The following NDUFS7 variants were observed in gnomAD, a reference collection of about 807,000 sequenced individuals.
NDUFS7 encodes NADH dehydrogenase [ubiquinone] iron-sulfur protein 7, mitochondrial.
NDUFS7 carries 11 observed loss-of-function variants against 31.1 expected under a neutral mutation model. The observed-to-expected ratio is 0.35, with a 90% CI of 0.22 to 0.59. The LOEUF is 0.59. Among genes scored for constraint, NDUFS7 ranks in the 20% least tolerant of loss-of-function variants. NDUFS7 has a pLI of 0.79. For missense variants in NDUFS7, 263 were observed against 324.2 expected (o/e 0.81, Z 1.45); for synonymous variants, 136 against 127.9 (o/e 1.06, Z -0.43).
At chr19:1,389,587 G>C (rs2082540382) in intron 4 of NDUFS7, 1 of 446,804 alleles carries the variant, frequency 2.2e-6, no homozygotes, top group South Asian at 1.6e-5. Flanking sequence ...GGTGAAAGCA[G>C]TGTTTTAAGT....
At chr19:1,392,381 G>GT (rs1445888962) in intron 6 of NDUFS7, 1 of 152,196 alleles carries the variant, frequency 6.6e-6, no homozygotes, top group East Asian at 1.9e-4. Context: ...CAGTTCAGTG[G>GT]TTTTTAGGCC....
chr19:1,394,774 A>T (rs763018063), intron 7 of NDUFS7: 2 of 1,182,782 alleles, frequency 1.7e-6, no homozygotes, highest in Non-Finnish European at 2.1e-6. Flanking sequence ...GCCCTTTCCC[A>T]GGCCCTGCAG....
At chr19:1,394,260 G>A (rs1488645543) in intron 7 of NDUFS7, 6 of 831,818 alleles carry the variant, frequency 7.2e-6, no homozygotes, top group Non-Finnish European at 8.6e-6. Flanking sequence ...TCACCCCGGG[G>A]GCAGTGGAGA....
At chr19:1,387,345 C>T (rs1039672896) in intron 1 of NDUFS7, among the ~76,000 whole-genome samples, 6 of 152,236 alleles carry the variant, frequency 3.9e-5, no homozygotes, top group Admixed American at 6.5e-5. Flanking sequence ...GAGATAGAAC[C>T]GGGTGCCGGC....
chr19:1,392,212 G>T (rs1420888754), intron 6 of NDUFS7: 1 of 152,170 alleles, frequency 6.6e-6, no homozygotes, highest in African/African-American at 2.4e-5. Context: ...GAGTGCAGTG[G>T]TGCAGTCATA....
At position 1,394,290 on chromosome 19, in the gene NDUFS7, G is replaced by A. The variant is rs1600153702; in HGVS notation, c.544+960G>A. The stretch of plus-strand genomic sequence containing the variant: ...TGGAGAGGGCAGCCTGGGCCTCCCT[G>A]TGACTTGACAGCACAGAGAGGTCCA... On this transcript the variant is annotated intron_variant, in intron 7 of 7. Transcript: ENST00000233627. 4 of 1,187,558 alleles carry A rather than the reference G, an allele frequency of 3.4e-6. No individual in the cohort carries two copies. The East Asian group carries it at 2.3e-4, about 68-fold the overall frequency. The allele number at this position is 1,187,558 out of a possible 1,614,324, so 73.6% of individuals were successfully genotyped here. A position where few individuals can be genotyped will look rare whatever the true frequency, so the allele number is the denominator to read the frequency against.
At position 1,395,138 on chromosome 19, in the gene NDUFS7, G is replaced by T; in HGVS notation, c.545-253G>T. The T allele has an allele frequency of 2.1e-6, 3 of 1,395,616 alleles. No homozygotes were observed. The South Asian group carries it at 4.6e-5, about 21-fold the overall frequency. 86.5% of individuals were successfully genotyped at this position (1,395,616 alleles called of 1,614,324 possible). ...GTGAGGTCAGCGTCTTGTCCGAGAG[G>T]TCCCTGTGACAGCCCGGGATGAGCC... is the stretch of plus-strand genomic sequence containing the variant. On this transcript the variant is annotated intron_variant, in intron 7 of 7. Transcript: ENST00000233627.
intron 4 of NDUFS7, chr19:1,389,824 G>A (rs1017115569): frequency 5.6e-5 from 18 of 319,232 alleles, no homozygotes; most frequent in East Asian, 1.7e-4. Flanking sequence ...ACAATGCCAC[G>A]GCGAACGTCC....
chr19:1,385,889 G>C (rs1291525267), intron 1 of NDUFS7, among the ~76,000 whole-genome samples: 1 of 152,194 alleles, frequency 6.6e-6, no homozygotes, highest in African/African-American at 2.4e-5. Flanking sequence ...GAGGTTCTCA[G>C]AAGAGTATCT....
At chr19:1,389,027 C>G in intron 4 of NDUFS7, 89 bp downstream of exon 4, 1 of 1,048,934 alleles carries the variant, frequency 9.5e-7, no homozygotes, top group Middle Eastern at 2.0e-4. Flanking sequence ...AACGTGCAGA[C>G]ACGTACACAC....
At chr19:1,391,200 G>A (rs368999648) in intron 6 of NDUFS7, 35 bp downstream of exon 6, 22 of 1,604,826 alleles carry the variant, frequency 1.4e-5, no homozygotes, top group South Asian at 1.2e-4. Context: ...AGGGACAGAC[G>A]TAGCGTGAGT....
intron 1 of NDUFS7, 38 bp downstream of exon 1, chr19:1,383,980 G>T (rs755328527): frequency 1.3e-6 from 2 of 1,547,836 alleles, no homozygotes; most frequent in African/African-American, 1.4e-5. Context: ...GGGCCGCGCG[G>T]GTCTGGGGCC....
intron 6 of NDUFS7, chr19:1,392,745 G>A (rs1244926747): frequency 5.2e-6 from 1 of 193,560 alleles, no homozygotes; most frequent in Non-Finnish European, 1.1e-5. Context: ...CCCACTGCTG[G>A]GCATTCAGGG....
rs1168673408 is a variant in NDUFS7 at position 1,388,079 on chromosome 19, G to T, written c.53+232G>T. 6.4e-6 allele frequency: 4 copies of T among 629,202 alleles called. No homozygotes were observed. In the East Asian group the frequency reaches 1.1e-4, roughly 17 times the overall value. The allele number at this position is 629,202 out of a possible 1,614,324, so 39.0% of individuals were successfully genotyped here. A position where few individuals can be genotyped will look rare whatever the true frequency, so the allele number is the denominator to read the frequency against. On this transcript the variant is annotated intron_variant, in intron 2 of 7. Coordinates refer to ENST00000233627, the MANE Select transcript of NDUFS7 (RefSeq NM_024407.5). ...GTCAGGAGGAAAACCCTGTGGGCCC[G>T]GCTCAGTGCCGTCAGAGCTCACCGC... is the stretch of plus-strand genomic sequence containing the variant.
chr19:1,393,265 A>G lies in NDUFS7; in HGVS notation c.479A>G (p.Tyr160Cys). Residue 160 changes from tyrosine to cysteine, a missense_variant, in exon 7 of 8, where the codon TAC becomes TGC. Physicochemically the swap from Tyr to Cys is radical, Grantham distance 194. Transcript: ENST00000233627. The surrounding 1 kb of genome is among the most constrained non-coding windows in gnomAD (Gnocchi z 7.3). Reference protein sequence around the residue: ...MGSCANGGGYYHYSYSVVRGC... With the variant: ...MGSCANGGGYCHYSYSVVRGC... Reference sequence around the variant, plus strand: ...AGCTGCGCCAACGGAGGAGGCTACTACCACTATTCCTACTCGGTGGTGAGG... The same window carrying G: ...AGCTGCGCCAACGGAGGAGGCTACTGCCACTATTCCTACTCGGTGGTGAGG... The G allele has an allele frequency of 1.3e-6, 2 of 1,582,688 alleles. No homozygotes were observed. The highest frequency in any genetic ancestry group is 8.6e-7 in the Non-Finnish European group (1 of 1,165,522).
intron 4 of NDUFS7, chr19:1,389,275 A>G (rs1160654053): frequency 6.6e-6 from 4 of 605,358 alleles, no homozygotes; most frequent in East Asian, 3.4e-5. Context: ...ATGCACACGC[A>G]CACTCGCACA....
At chr19:1,389,531 T>G (rs1414875183) in intron 4 of NDUFS7, 16 of 457,012 alleles carry the variant, frequency 3.5e-5, no homozygotes, top group Admixed American at 7.0e-5. Flanking sequence ...TCCGTTTCCG[T>G]CATTCTCTTT....
In NDUFS7 at chr19:1,387,670, TTACC is replaced by T. The variant is rs2082516548; in HGVS notation, c.17-138_17-135del. 10 of 739,438 alleles carry T rather than the reference TTACC, an allele frequency of 1.4e-5. No homozygotes were observed. In the Admixed American group the frequency reaches 1.8e-4, roughly 13 times the overall value. 45.8% of individuals were successfully genotyped at this position (739,438 alleles called of 1,614,324 possible). On this transcript the variant is annotated intron_variant, in intron 1 of 7. Transcript: ENST00000233627. ...CTCTCGTGTTCTGAAAACCCCCTCG[TTACC>T]TAACGTTTGTTAAGTGGCACTCGAG...
At chr19:1,384,007 T>G (rs2082491351) in intron 1 of NDUFS7, 65 bp downstream of exon 1, 1 of 1,512,702 alleles carries the variant, frequency 6.6e-7, no homozygotes, top group Admixed American at 2.2e-5. Context: ...GCCTCGGGTG[T>G]CGTGGTGGCG....
Sources: allele counts gnomAD v4.1 joint callset (sites outside exome capture counted in the v4.1 genomes callset), GRCh38; gene constraint gnomAD v4.1.1; non-coding constraint Gnocchi (gnomAD v3.1); transcripts MANE v1.5; gene names NCBI Gene and HGNC (gene_info 2026-07-23, HGNC 2026-07-21).